The following RIPOR2 variants were observed in gnomAD, a reference collection of about 807,000 sequenced individuals.
The protein encoded by RIPOR2 is rho family-interacting cell polarization regulator 2.
In RIPOR2, 39 loss-of-function variants were observed where a neutral mutation model predicts 114.5. The observed-to-expected ratio is 0.34, with a 90% CI of 0.26 to 0.44. The LOEUF is 0.44. Ranked by LOEUF, RIPOR2 falls within the 20% of genes least tolerant of loss-of-function variation. The pLI, the probability that RIPOR2 is intolerant of heterozygous loss-of-function variation, is 1.00. For missense variants in RIPOR2, 1,007 were observed against 1,255.1 expected (o/e 0.80, Z 2.99); for synonymous variants, 445 against 484.4 (o/e 0.92, Z 1.07).
At chr6:24,963,401 A>C (rs1739326) in intron 1 of RIPOR2, among the ~76,000 whole-genome samples, 120,936 of 152,132 alleles carry the variant, frequency 0.79, 51,631 homozygotes, top group East Asian at 0.96. Flanking sequence ...CCACACCTAG[A>C]AGAGGAAAAG....
At chr6:24,960,430 A>T (rs4403258) in intron 1 of RIPOR2, among the ~76,000 whole-genome samples, 16,229 of 152,254 alleles carry the variant, frequency 0.11, 1,771 homozygotes, top group African/African-American at 0.27. Context: ...ATGAGTATCC[A>T]GCCCTCATGG....
At chr6:24,925,988 G>C (rs1418242528) in intron 1 of RIPOR2, among the ~76,000 whole-genome samples, 1 of 151,978 alleles carries the variant, frequency 6.6e-6, no homozygotes, top group Non-Finnish European at 1.5e-5. Flanking sequence ...TTTTCAGGAA[G>C]TTTTACCACT....
chr6:25,032,592 G>A (rs775965712), intron 1 of RIPOR2, among the ~76,000 whole-genome samples: 37 of 152,012 alleles, frequency 2.4e-4, no homozygotes, highest in Admixed American at 4.6e-4. Context: ...ACCTTCTCCC[G>A]ATTACCCTGA....
intron 19 of RIPOR2, among the ~76,000 whole-genome samples, chr6:24,823,903 T>C (rs767214996): frequency 6.6e-6 from 1 of 152,140 alleles, no homozygotes; most frequent in Non-Finnish European, 1.5e-5. Flanking sequence ...ATTACAAGCA[T>C]GTGCCACTAG....
chr6:24,947,710 G>A (rs1772499358), intron 1 of RIPOR2, among the ~76,000 whole-genome samples: 1 of 151,452 alleles, frequency 6.6e-6, no homozygotes, highest in East Asian at 1.9e-4. Context: ...AGGATGGGGA[G>A]GAGAAGGAAA....
At chr6:24,915,113 C>G (rs576187973) in intron 1 of RIPOR2, among the ~76,000 whole-genome samples, 1 of 152,292 alleles carries the variant, frequency 6.6e-6, no homozygotes, top group East Asian at 1.9e-4. Context: ...CTCTTTATAA[C>G]TGTGATGCTT....
intron 1 of RIPOR2, among the ~76,000 whole-genome samples, chr6:24,892,470 G>C (rs777527905): frequency 6.6e-6 from 1 of 152,228 alleles, no homozygotes; most frequent in South Asian, 2.1e-4. Flanking sequence ...CTGTTTGAAG[G>C]CCACTTTTTA....
Position 24,818,727 on chromosome 6 carries a change from T to G in RIPOR2, c.2869-102A>C, listed in dbSNP as rs147988694. On this transcript the variant is annotated intron_variant, in intron 19 of 21. Transcript: ENST00000643898. ...CTGAGATAAACTATAGCATATAACC[T>G]ACACATTTTGCACTACCTTCAGAGC... 708 of 569,414 alleles carry G rather than the reference T, an allele frequency of 1.2e-3. 14 individuals carry two copies. In the East Asian group the frequency reaches 0.021, roughly 17 times the overall value. The allele number at this position is 569,414 out of a possible 1,614,324, so 35.3% of individuals were successfully genotyped here. A position where few individuals can be genotyped will look rare whatever the true frequency, so the allele number is the denominator to read the frequency against.
intron 1 of RIPOR2, among the ~76,000 whole-genome samples, chr6:24,915,930 C>G (rs778025846): frequency 2.0e-5 from 3 of 152,196 alleles, no homozygotes; most frequent in Non-Finnish European, 4.4e-5. Flanking sequence ...CATGCAGGCT[C>G]TCAGCTCTGG....
intron 12 of RIPOR2, among the ~76,000 whole-genome samples, chr6:24,847,017 T>C (rs1762369114): frequency 6.6e-6 from 1 of 152,232 alleles, no homozygotes; most frequent in Non-Finnish European, 1.5e-5. Flanking sequence ...AATGGCACCA[T>C]CTTGGCTAAC....
intron 1 of RIPOR2, among the ~76,000 whole-genome samples, chr6:24,963,664 G>T (rs1339881395): frequency 6.6e-6 from 1 of 152,086 alleles, no homozygotes; most frequent in Non-Finnish European, 1.5e-5. Flanking sequence ...AAGAGAAAAA[G>T]CAAGCTGCAG....
intron 8 of RIPOR2, among the ~76,000 whole-genome samples, chr6:24,855,023 C>CAAA (rs71310727): frequency 0.088 from 4,793 of 54,174 alleles, 240 homozygotes; most frequent in Non-Finnish European, 0.13. Context: ...AACTCCGTCT[C>CAAA]AAAAAAAAAA....
intron 1 of RIPOR2, among the ~76,000 whole-genome samples, chr6:24,911,371 G>C (rs1005755929): frequency 1.3e-5 from 2 of 152,098 alleles, no homozygotes; most frequent in African/African-American, 4.8e-5. Flanking sequence ...GGAGGGAGAG[G>C]GCAGAGGAAA....
chr6:24,864,312 A>G (rs1315578094), intron 7 of RIPOR2, among the ~76,000 whole-genome samples: 2 of 152,378 alleles, frequency 1.3e-5, no homozygotes, highest in East Asian at 1.9e-4. Context: ...CCTGTGTGAC[A>G]GAGCAAGACT....
chr6:25,015,852 TA>T (rs1400636777), intron 1 of RIPOR2: 1 of 148,012 alleles, frequency 6.8e-6, no homozygotes, highest in Non-Finnish European at 1.5e-5. Context: ...AAAATGAAGT[TA>T]ATCATGGTTG....
upstream of RIPOR2, among the ~76,000 whole-genome samples, chr6:24,939,561 C>T (rs1004609146): frequency 1.3e-5 from 2 of 152,168 alleles, no homozygotes; most frequent in African/African-American, 4.8e-5. Context: ...CAAAATAGTA[C>T]TTATGCTAAA....
chr6:25,033,171 C>G (rs1008460784), intron 1 of RIPOR2, among the ~76,000 whole-genome samples: 2 of 151,104 alleles, frequency 1.3e-5, no homozygotes, highest in African/African-American at 4.9e-5. Flanking sequence ...GCCGCGACGG[C>G]GCCACACGCC....
Position 24,848,089 on chromosome 6 carries a change from C to T in RIPOR2, c.1100G>A (p.Arg367Lys). The T allele has an allele frequency of 7.4e-6, 12 of 1,613,924 alleles. No individual in the cohort carries two copies. The highest frequency in any genetic ancestry group is 1.0e-5 in the Non-Finnish European group (12 of 1,179,866). The change falls in exon 12 of 22, where the codon AGG (arginine) becomes AAG (lysine). Residue 367 changes from arginine (R) to lysine (K), a missense_variant. Physicochemically the swap from Arg to Lys is conservative, Grantham distance 26. Coordinates refer to ENST00000643898, the MANE Select transcript of RIPOR2 (RefSeq NM_001286445.3). Reference sequence around the variant, plus strand: ...ACCCTGGCTGTACATGGACATTCTCCTCTGAAGGGCTGCTGCCTTGTTCCC... The same window carrying T: ...ACCCTGGCTGTACATGGACATTCTCTTCTGAAGGGCTGCTGCCTTGTTCCC... ...GAGNKAAALQ[R>K]RMSMYSQGTP...
intron 1 of RIPOR2, among the ~76,000 whole-genome samples, chr6:24,927,374 C>T (rs907970944): frequency 4.0e-5 from 6 of 149,498 alleles, no homozygotes; most frequent in Non-Finnish European, 7.5e-5. Context: ...ATCATCATCA[C>T]CTCACCACCA....
Sources: allele counts gnomAD v4.1 joint callset (sites outside exome capture counted in the v4.1 genomes callset), GRCh38; gene constraint gnomAD v4.1.1; transcripts MANE v1.5; gene names NCBI Gene and HGNC (gene_info 2026-07-23, HGNC 2026-07-21).